Variants in DMD observed in about 807,000 individuals in gnomAD.
DMD encodes dystrophin.
Under a neutral mutation model 330.1 loss-of-function variants are expected in DMD, and 63 were observed. The ratio of observed to expected loss-of-function variants is 0.19; its 90% confidence interval spans 0.16 to 0.24. The LOEUF is 0.24. DMD is among the 10% of genes least tolerant of loss of function. The probability of loss-of-function intolerance (pLI) is 1.00; values close to 1 mark genes in which losing one functional copy is unlikely to be tolerated. For missense variants in DMD, 3,344 were observed against 2,684.1 expected, an observed-to-expected ratio of 1.25 and a Z score of -5.43; for synonymous variants, 1,223 against 959.8, an observed-to-expected ratio of 1.27 and a Z score of -5.07.
chrX:32,602,171 A>G (rs953758826), intron 12 of DMD, among the ~76,000 whole-genome samples: 1 of 111,961 alleles, frequency 8.9e-6, no homozygotes, highest in Non-Finnish European at 1.9e-5. Flanking sequence ...TAATAAAAGT[A>G]GGTTCAAACT....
intron 2 of DMD, among the ~76,000 whole-genome samples, chrX:32,874,249 G>A (rs970086326): frequency 4.5e-5 from 5 of 111,834 alleles, no homozygotes; most frequent in African/African-American, 1.3e-4. Context: ...AGAACATTGC[G>A]ACAAGTTCAT....
intron 12 of DMD, among the ~76,000 whole-genome samples, chrX:32,596,102 A>T (rs2055494102): frequency 9.0e-6 from 1 of 111,244 alleles, no homozygotes; most frequent in Admixed American, 9.6e-5. Context: ...AAATGTTAAG[A>T]AAGGTACAGC....
At chrX:31,349,569 A>T (rs977919010) in intron 60 of DMD, among the ~76,000 whole-genome samples, 7 of 112,355 alleles carry the variant, frequency 6.2e-5, no homozygotes, top group Non-Finnish European at 7.5e-5. Flanking sequence ...GGGGGCATGC[A>T]GTGAAAACTG....
chrX:31,830,989 C>G (rs1385323715), intron 49 of DMD, among the ~76,000 whole-genome samples: 1 of 112,315 alleles, frequency 8.9e-6, no homozygotes, highest in Non-Finnish European at 1.9e-5. Context: ...GACTCTGTTT[C>G]TTGAAAGCAT....
intron 44 of DMD, among the ~76,000 whole-genome samples, chrX:32,162,409 T>C (rs1218179108): frequency 9.1e-6 from 1 of 110,153 alleles, no homozygotes; most frequent in African/African-American, 3.3e-5. Flanking sequence ...ACCATGAACA[T>C]AGAAGAATGA....
chrX:32,730,613 A>T (rs373864164), intron 7 of DMD, among the ~76,000 whole-genome samples: 13 of 112,227 alleles, frequency 1.2e-4, no homozygotes, highest in African/African-American at 4.2e-4. Context: ...AAGAGATAAG[A>T]CTAAAAGAAA....
intron 19 of DMD, among the ~76,000 whole-genome samples, chrX:32,492,292 C>A (rs1355191571): frequency 1.8e-5 from 2 of 112,183 alleles, no homozygotes; most frequent in Non-Finnish European, 3.8e-5. Context: ...GAGCGGAGAT[C>A]GCGCCACTGC....
chrX:32,375,218 T>G (rs1459026928), intron 34 of DMD, among the ~76,000 whole-genome samples: 1 of 111,062 alleles, frequency 9.0e-6, no homozygotes, highest in African/African-American at 3.3e-5. Flanking sequence ...CATGCTTCAA[T>G]GTAGATAATA....
chrX:32,333,565 C>T (rs192126464), intron 41 of DMD, among the ~76,000 whole-genome samples: 288 of 111,062 alleles, frequency 2.6e-3, no homozygotes, highest in Non-Finnish European at 3.1e-3. Flanking sequence ...ATGATCTATA[C>T]TTATATTTCT....
intron 18 of DMD, among the ~76,000 whole-genome samples, chrX:32,503,548 A>G (rs1471551776): frequency 9.0e-6 from 1 of 111,562 alleles, no homozygotes; most frequent in Non-Finnish European, 1.9e-5. Flanking sequence ...CTACAAATGT[A>G]AAGCTTTTTG....
rs1445172305 is a variant in DMD at position 32,816,527 on chromosome X, G to C, written c.471C>G (p.Ile157Met). 8.3e-7 allele frequency: 1 copy of C among 1,209,718 alleles called. No individual in the cohort carries two copies. The highest frequency in any genetic ancestry group is 1.7e-5 in the African/African-American group (1 of 57,143). ...STRNYPQVNV[I>M]NFTTSWSDGL... The stretch of plus-strand genomic sequence containing the variant: ...CATCAGACCAGCTGGTGGTGAAGTT[G>C]ATTACATTAACCTGTGGATAATTAC... The change falls in exon 6 of 79, where the codon ATC becomes ATG. Residue 157 changes from isoleucine (I) to methionine (M), a missense_variant. Ile to Met is a conservative substitution (Grantham distance 10, BLOSUM62 1). Transcript: ENST00000357033.
In DMD at chrX:32,785,555, T is replaced by TCA. The variant is rs2075278067; in HGVS notation, c.649+23937_649+23938insTG. On this transcript the variant is annotated intron_variant, in intron 7 of 78. Transcript: ENST00000357033. ...TCTATTATAATGATTTTGCTTAAAA[T>TCA]GTACATTTCTGTTTATGATGAATGC... is the stretch of plus-strand genomic sequence containing the variant. Among the ~76,000 whole-genome samples the TCA allele has an allele frequency of 1.1e-4, 12 of 111,500 alleles. No individual in the cohort carries two copies. In the South Asian group the frequency reaches 2.2e-3, roughly 21 times the overall value.
At chrX:31,439,131 T>A (rs1260013236) in intron 60 of DMD, among the ~76,000 whole-genome samples, 4 of 111,905 alleles carry the variant, frequency 3.6e-5, no homozygotes, top group Non-Finnish European at 7.5e-5. Flanking sequence ...GTACTGCTTT[T>A]GTAGTATCAG....
intron 67 of DMD, among the ~76,000 whole-genome samples, chrX:31,203,716 T>C (rs750790678): frequency 1.7e-4 from 19 of 111,668 alleles, no homozygotes; most frequent in African/African-American, 5.5e-4. Flanking sequence ...TCTTCCCCTC[T>C]AGCACCTCAA....
At chrX:32,601,185 G>A (rs1368217356) in intron 12 of DMD, among the ~76,000 whole-genome samples, 1 of 111,242 alleles carries the variant, frequency 9.0e-6, no homozygotes, top group African/African-American at 3.3e-5. Context: ...TATTCACTTT[G>A]CTAAGCCTGG....
intron 21 of DMD, among the ~76,000 whole-genome samples, chrX:32,473,105 T>C (rs975359782): frequency 2.7e-5 from 3 of 111,196 alleles, no homozygotes; most frequent in African/African-American, 9.8e-5. Context: ...ATGGACTATA[T>C]TGAAAGAGAT....
rs200084661 is a variant in DMD at position 32,380,493 on chromosome X, A to G, written c.4845+17T>C. ...TTCACGTATGTTCAAAATAACCTTC[A>G]GTGATATAGGTTTTACCTTTCCCCA... On this transcript the variant is annotated intron_variant, in intron 34 of 78. Coordinates refer to ENST00000357033, the MANE Select transcript of DMD (RefSeq NM_004006.3). 51 of 1,201,985 alleles carry G rather than the reference A, an allele frequency of 4.2e-5. No individual in the cohort carries two copies. The highest frequency in any genetic ancestry group is 5.3e-5 in the African/African-American group (3 of 57,097).
At chrX:32,005,367 G>A (rs903431195) in intron 44 of DMD, among the ~76,000 whole-genome samples, 2 of 111,048 alleles carry the variant, frequency 1.8e-5, no homozygotes, top group East Asian at 2.8e-4. Context: ...CTGAGACCAC[G>A]CGGGCCAAAA....
At chrX:32,719,045 ACT>A (rs2066001607) in intron 7 of DMD, among the ~76,000 whole-genome samples, 1 of 111,752 alleles carries the variant, frequency 8.9e-6, no homozygotes, top group South Asian at 3.7e-4. Flanking sequence ...ATATATAGTT[ACT>A]CAACTAGAGA....
Sources: gnomAD v4.1 joint callset for allele counts (sites outside exome capture counted in the v4.1 genomes callset) on GRCh38, gnomAD v4.1.1 for gene constraint, MANE v1.5 for transcripts, NCBI Gene and HGNC (gene_info 2026-07-23, HGNC 2026-07-21) for gene names.